Variants in PIEZO2 observed in about 807,000 individuals in gnomAD.
PIEZO2 encodes piezo-type mechanosensitive ion channel component 2.
PIEZO2 carries 172 observed loss-of-function variants against 337.3 expected under a neutral mutation model. That is an observed-to-expected ratio of 0.51 (90% CI 0.45 to 0.58). The LOEUF is 0.58. Ranked by LOEUF, PIEZO2 falls within the 20% of genes least tolerant of loss-of-function variation. The probability of loss-of-function intolerance (pLI) is 0.00; values close to 1 mark genes in which losing one functional copy is unlikely to be tolerated. For synonymous variants in PIEZO2, 1,251 were observed against 1,228.5 expected (o/e 1.02, Z -0.38); for missense variants, 3,028 against 3,391.3 (o/e 0.89, Z 2.66).
In PIEZO2 at chr18:10,757,985, C is replaced by A; in HGVS notation, c.3907G>T (p.Asp1303Tyr). The A allele has an allele frequency of 2.0e-6, 3 of 1,535,556 alleles. No individual in the cohort carries two copies. In the South Asian group the frequency reaches 3.6e-5, roughly 18 times the overall value. ...TCTTGTTACCTGCAGTGAATAAAATCTGGCACAGGGTTATGTTGGCTGAAG... is the reference window on the plus strand; with the variant it reads ...TCTTGTTACCTGCAGTGAATAAAATATGGCACAGGGTTATGTTGGCTGAAG... Reference protein sequence around the residue: ...ASFSQHNPVPDFIHCRSYLDM... With the variant: ...ASFSQHNPVPYFIHCRSYLDM... Residue 1303 changes from aspartate to tyrosine, a missense_variant, in exon 27 of 56, where the codon GAT becomes TAT. Asp to Tyr is a radical substitution (Grantham distance 160). Around this residue, in one of 5 missense-constraint regions of PIEZO2, gnomAD observed 1,925 missense variants for 2,051.9 expected, o/e 0.94. Transcript: ENST00000674853.
intron 1 of PIEZO2, among the ~76,000 whole-genome samples, chr18:11,140,785 G>A (rs2040621796): frequency 6.6e-6 from 1 of 152,238 alleles, no homozygotes; most frequent in South Asian, 2.1e-4. Flanking sequence ...ACCAAAATAA[G>A]AATGACATTT....
chr18:11,005,027 T>A (rs2035670886), intron 2 of PIEZO2, among the ~76,000 whole-genome samples: 1 of 152,256 alleles, frequency 6.6e-6, no homozygotes, highest in Non-Finnish European at 1.5e-5. Context: ...AGGTGATCCC[T>A]ATGTGATGAT....
chr18:10,757,687 C>T (rs1220033406), intron 27 of PIEZO2, among the ~76,000 whole-genome samples: 2 of 151,744 alleles, frequency 1.3e-5, no homozygotes, highest in African/African-American at 4.9e-5. Flanking sequence ...GGACCCTCCA[C>T]TGGAGAGCTG....
At chr18:10,756,787 GA>G (rs760232879) in intron 27 of PIEZO2, among the ~76,000 whole-genome samples, 7 of 149,496 alleles carry the variant, frequency 4.7e-5, no homozygotes, top group Non-Finnish European at 1.0e-4. Flanking sequence ...GAAAGATTAG[GA>G]GGGGGGATGG....
At chr18:11,093,716 A>C (rs902493648) in intron 1 of PIEZO2, among the ~76,000 whole-genome samples, 1 of 150,854 alleles carries the variant, frequency 6.6e-6, no homozygotes, top group Non-Finnish European at 1.5e-5. Context: ...GCTCCCGAGT[A>C]GCTCGGACTA....
intron 2 of PIEZO2, among the ~76,000 whole-genome samples, chr18:11,037,596 T>C (rs976506846): frequency 3.3e-5 from 5 of 152,166 alleles, no homozygotes; most frequent in African/African-American, 4.8e-5. Flanking sequence ...TTATTATGGA[T>C]TGGAATGAGA....
At chr18:10,922,020 T>C (rs2031448733) in intron 3 of PIEZO2, among the ~76,000 whole-genome samples, 1 of 151,834 alleles carries the variant, frequency 6.6e-6, no homozygotes, top group Non-Finnish European at 1.5e-5. Context: ...CAAAACTTCA[T>C]TAGCAATTTT....
chr18:10,917,158 C>T (rs1033283492), intron 3 of PIEZO2, among the ~76,000 whole-genome samples: 17 of 151,964 alleles, frequency 1.1e-4, no homozygotes, highest in East Asian at 9.6e-4. Context: ...ATATGCTCTC[C>T]GCAGCTGATG....
At chr18:10,992,867 A>G (rs947044098) in intron 2 of PIEZO2, among the ~76,000 whole-genome samples, 4 of 152,102 alleles carry the variant, frequency 2.6e-5, no homozygotes, top group Non-Finnish European at 1.5e-5. Context: ...ATGAGCATGG[A>G]ATGTTTTTCC....
chr18:10,800,538 AC>A lies in PIEZO2; in HGVS notation c.1240-64del, dbSNP rs34246346. 30 of 1,458,516 alleles carry A rather than the reference AC, an allele frequency of 2.1e-5. No individual in the cohort carries two copies. In the African/African-American group the frequency reaches 3.7e-4, roughly 18 times the overall value. 90.3% of individuals were successfully genotyped at this position (1,458,516 alleles called of 1,614,324 possible). A position where few individuals can be genotyped will look rare whatever the true frequency, so the allele number is the denominator to read the frequency against. ...AGCTCTGGGTTTTCAATGCAGACAT[AC>A]CCCCACTTCCCTTCCTCCACCCTAA... On this transcript the variant is annotated intron_variant, in intron 10 of 55. Coordinates refer to ENST00000674853, the MANE Select transcript of PIEZO2 (RefSeq NM_001378183.1).
At chr18:11,000,639 T>C (rs1037828921) in intron 2 of PIEZO2, among the ~76,000 whole-genome samples, 2 of 152,138 alleles carry the variant, frequency 1.3e-5, no homozygotes, top group African/African-American at 4.8e-5. Context: ...ACCAAAGGGA[T>C]CTCTTTCTGA....
In PIEZO2 at chr18:10,979,596, G is replaced by T; in HGVS notation, c.225C>A (p.Ile75=). 1.3e-6 allele frequency: 2 copies of T among 1,536,238 alleles called. No homozygotes were observed. The highest frequency in any genetic ancestry group is 8.7e-7 in the Non-Finnish European group (1 of 1,146,142). ...FISLSFLLLH[I]IFHITLVSLE... is the part of the protein sequence containing the mutation. ...GGCTCACCAACGTGATGTGGAAAAT[G>T]ATGTGCAGCAACAGGAAGGAAAGAC... The change falls in exon 3 of 56, where the codon ATC becomes ATA. Residue 75 remains isoleucine (I), a synonymous_variant. Transcript: ENST00000674853. The surrounding 1 kb of genome is among the most constrained non-coding windows in gnomAD (Gnocchi z 4.0).
chr18:11,039,498 C>T (rs962649681), intron 2 of PIEZO2, among the ~76,000 whole-genome samples: 2 of 152,132 alleles, frequency 1.3e-5, no homozygotes, highest in Non-Finnish European at 2.9e-5. Flanking sequence ...TCCTGTCAAA[C>T]ATTCAAGCAA....
At chr18:10,736,941 A>G (rs1380093026) in intron 33 of PIEZO2, among the ~76,000 whole-genome samples, 2 of 151,916 alleles carry the variant, frequency 1.3e-5, no homozygotes, top group Middle Eastern at 3.4e-3. Context: ...GCCATGTAAG[A>G]GAACTGGCCA....
At position 10,940,788 on chromosome 18, in the gene PIEZO2, G is replaced by C. The variant is rs568558593; in HGVS notation, c.287-29560C>G. Among the ~76,000 whole-genome samples the C allele has an allele frequency of 4.6e-5, 7 of 152,220 alleles. No individual in the cohort carries two copies. In the East Asian group the frequency reaches 1.4e-3, roughly 29 times the overall value. ...GAGGCAGAAGAATCGCTTGAACCCG[G>C]GAGGCAGAGGTTGCAGTGAGCTGAG... On this transcript the variant is annotated intron_variant, in intron 3 of 55. Transcript: ENST00000674853. The surrounding 1 kb of genome is among the most constrained non-coding windows in gnomAD (Gnocchi z 5.3).
chr18:10,946,335 AAAAC>A (rs1164772602), intron 3 of PIEZO2, among the ~76,000 whole-genome samples: 12 of 152,212 alleles, frequency 7.9e-5, no homozygotes, highest in African/African-American at 2.9e-4. Context: ...TACTAGGAGA[AAAAC>A]AAAATATATG....
At chr18:10,718,106 T>G (rs538802784) in intron 37 of PIEZO2, 94 bp downstream of exon 37, 12 of 1,089,548 alleles carry the variant, frequency 1.1e-5, no homozygotes, top group African/African-American at 9.4e-5. Context: ...CAGTGTTCGA[T>G]TCACAATTTT....
rs2033359947 is a variant in PIEZO2, at chr18:10,952,878, CCTTCCTTT to C, written c.286+26649_286+26656del. Among the ~76,000 whole-genome samples, 3 of 115,202 alleles carry C rather than the reference CCTTCCTTT, an allele frequency of 2.6e-5. No homozygotes were observed. The highest frequency in any genetic ancestry group is 9.6e-5 in the Admixed American group (1 of 10,426). The allele number at this position is 115,202 out of a possible 152,430, so 75.6% of individuals were successfully genotyped here. A position where few individuals can be genotyped will look rare whatever the true frequency, so the allele number is the denominator to read the frequency against. On this transcript the variant is annotated intron_variant, in intron 3 of 55. Transcript: ENST00000674853. The surrounding 1 kb of genome is among the most constrained non-coding windows in gnomAD (Gnocchi z 4.1). ...TTGGAATGCCTTCCCTTCCTTCCTT[CCTTCCTTT>C]CATCCCTCCCTCCATCCCTCCCTCC...
At chr18:11,072,489 C>T (rs1274551628) in intron 1 of PIEZO2, among the ~76,000 whole-genome samples, 2 of 152,052 alleles carry the variant, frequency 1.3e-5, no homozygotes, top group South Asian at 2.1e-4. Context: ...GAATAAAAGT[C>T]GCTCACATGA....
Sources: gnomAD v4.1 joint callset for allele counts (sites outside exome capture counted in the v4.1 genomes callset) on GRCh38, gnomAD v4.1.1 for gene constraint, gnomAD v4.1.1 regional missense constraint, Gnocchi (gnomAD v3.1) non-coding constraint, MANE v1.5 for transcripts, NCBI Gene and HGNC (gene_info 2026-07-23, HGNC 2026-07-21) for gene names.